Variants in SCN10A observed in about 807,000 individuals in gnomAD.
The protein encoded by SCN10A is sodium voltage-gated channel alpha subunit 10, also known as sodium channel protein type 10 subunit alpha.
SCN10A carries 162 observed loss-of-function variants against 170.7 expected under a neutral mutation model. That is an observed-to-expected ratio of 0.95 (90% CI 0.84 to 1.08). The LOEUF is 1.08. SCN10A is among the 50% of genes least tolerant of loss of function. The probability of loss-of-function intolerance (pLI) is 0.00; values close to 1 mark genes in which losing one functional copy is unlikely to be tolerated. For synonymous variants in SCN10A, 985 were observed against 904.6 expected (o/e 1.09, Z -1.59); for missense variants, 2,527 against 2,436.9 (o/e 1.04, Z -0.78).
chr3:38,797,278 A>T (rs1349847967), intron 1 of SCN10A, among the ~76,000 whole-genome samples: 11 of 152,120 alleles, frequency 7.2e-5, no homozygotes, highest in Admixed American at 7.2e-4. Flanking sequence ...TCTGGTACCC[A>T]ATACCCATAT....
In SCN10A at chr3:38,792,118, A is replaced by C; in HGVS notation, c.321T>G (p.Thr107=). The change falls in exon 3 of 28, where the codon ACT becomes ACG. Residue 107 remains threonine, a synonymous_variant. Transcript: ENST00000449082. ...AAGGACTGAATAGCCACAGGGCCCG[A>C]GTGGCACTAAACCGGGAAATGGTCC... The part of the protein sequence containing the change: ...KGRTISRFSA[T]RALWLFSPFN... The C allele has an allele frequency of 6.2e-7, 1 of 1,613,848 alleles. No individual in the cohort carries two copies. Among genetic ancestry groups the C allele is most frequent in the Non-Finnish European group, 8.5e-7 (1 of 1,179,786 alleles).
chr3:38,738,510 A>G (rs750404570), intron 15 of SCN10A, among the ~76,000 whole-genome samples: 3 of 152,088 alleles, frequency 2.0e-5, no homozygotes, highest in Non-Finnish European at 2.9e-5. Context: ...TGCCTCCTGA[A>G]CCATGCACCC....
chr3:38,796,765 G>A (rs1389250754), intron 1 of SCN10A, among the ~76,000 whole-genome samples: 1 of 152,018 alleles, frequency 6.6e-6, no homozygotes, highest in Non-Finnish European at 1.5e-5. Context: ...GTCTATGTTA[G>A]GATTCCTGTT....
intron 13 of SCN10A, among the ~76,000 whole-genome samples, chr3:38,743,857 A>G (rs1413546073): frequency 6.6e-6 from 1 of 152,040 alleles, no homozygotes; most frequent in Non-Finnish European, 1.5e-5. Context: ...TATGTGTCCA[A>G]TTTCTGATCC....
intron 23 of SCN10A, among the ~76,000 whole-genome samples, chr3:38,711,358 G>C (rs1465440674): frequency 6.6e-6 from 1 of 152,222 alleles, no homozygotes; most frequent in African/African-American, 2.4e-5. Flanking sequence ...GCATTCTTGA[G>C]GTCTAGAAAC....
chr3:38,753,663 G>T (rs1204025415), intron 11 of SCN10A, among the ~76,000 whole-genome samples: 9 of 152,084 alleles, frequency 5.9e-5, no homozygotes. Context: ...AAGCAAATGA[G>T]AAAAATTGAC....
intron 25 of SCN10A, 82 bp downstream of exon 25, chr3:38,709,395 CA>C: frequency 3.5e-6 from 5 of 1,426,842 alleles, no homozygotes; most frequent in Non-Finnish European, 4.7e-6. Flanking sequence ...TGGCTTTTGT[CA>C]GGAGGCCAGA....
At chr3:38,729,883 G>C (rs2126004338) in intron 15 of SCN10A, among the ~76,000 whole-genome samples, 1 of 152,264 alleles carries the variant, frequency 6.6e-6, no homozygotes, top group Admixed American at 6.5e-5. Flanking sequence ...ACGGGAGGAG[G>C]TTTAATCCTG....
In SCN10A at chr3:38,801,813, C is replaced by T. The variant is rs553248858; in HGVS notation, c.-32-7771G>A. ...AAGATTTTACCTGTGTAGGATTGTA[C>T]CTTCTCATACTTCCCGTGGTTGCTC... On this transcript the variant is annotated intron_variant, in intron 1 of 27. Coordinates refer to ENST00000449082, the MANE Select transcript of SCN10A (RefSeq NM_006514.4). Among the ~76,000 whole-genome samples the T allele has an allele frequency of 1.4e-4, 22 of 152,180 alleles. No individual in the cohort carries two copies. In the South Asian group the frequency reaches 4.1e-3, roughly 29 times the overall value.
intron 8 of SCN10A, among the ~76,000 whole-genome samples, chr3:38,759,396 G>A (rs780924547): frequency 5.3e-5 from 8 of 151,888 alleles, no homozygotes; most frequent in Non-Finnish European, 7.4e-5. Context: ...AAACTATCTC[G>A]TATTCACCCA....
intron 13 of SCN10A, among the ~76,000 whole-genome samples, chr3:38,748,437 C>T (rs547970431): frequency 6.6e-6 from 1 of 152,302 alleles, no homozygotes; most frequent in South Asian, 2.1e-4. Flanking sequence ...GCTTCAAGTC[C>T]TCACCATGGG....
chr3:38,775,233 A>G (rs1029934095), intron 4 of SCN10A, among the ~76,000 whole-genome samples: 1 of 152,190 alleles, frequency 6.6e-6, no homozygotes, highest in Non-Finnish European at 1.5e-5. Flanking sequence ...TACCCATTAA[A>G]TAATAACTCC....
In SCN10A at chr3:38,752,524, C is replaced by A; in HGVS notation, c.1462-12G>T. On this transcript the variant is annotated splice_polypyrimidine_tract_variant and intron_variant, in intron 11 of 27. Transcript: ENST00000449082. ...AGGCCTAGAAAAGACTGGGCATTGC[C>A]CCAAAGGAGCAAGAAGGCTGGAAAC... 1 of 1,538,044 alleles carries A rather than the reference C, an allele frequency of 6.5e-7. No individual in the cohort carries two copies. Among genetic ancestry groups the A allele is most frequent in the Admixed American group, 2.0e-5 (1 of 49,994 alleles).
At chr3:38,763,331 T>C (rs1263136886) in intron 6 of SCN10A, among the ~76,000 whole-genome samples, 174 bp downstream of exon 6, 1 of 152,182 alleles carries the variant, frequency 6.6e-6, no homozygotes, top group Non-Finnish European at 1.5e-5. Flanking sequence ...TCACACTGTC[T>C]CTTACTAGTG....
In SCN10A at chr3:38,793,895, T is replaced by C; in HGVS notation, c.116A>G (p.Glu39Gly). 1 of 1,614,120 alleles carries C rather than the reference T, an allele frequency of 6.2e-7. No homozygotes were observed. Among genetic ancestry groups the C allele is most frequent in the Non-Finnish European group, 8.5e-7 (1 of 1,179,962 alleles). Residue 39 changes from glutamate to glycine, a missense_variant, in exon 2 of 28, where the codon GAG becomes GGG. Coordinates refer to ENST00000449082, the MANE Select transcript of SCN10A (RefSeq NM_006514.4). ...TTGGTCCTTCTGCTCCCTATGCTTC[T>C]CTCTGGCTTTCTTTGTTCCCTGCTT... ...AAKQGTKKAR[E>G]KHREQKDQEE...
chr3:38,777,321 C>CA (rs1169210477), intron 4 of SCN10A, among the ~76,000 whole-genome samples: 1 of 151,914 alleles, frequency 6.6e-6, no homozygotes, highest in African/African-American at 2.4e-5. Flanking sequence ...TTGCTGGATG[C>CA]AAAATCACTA....
At chr3:38,720,574 A>G (rs2125995844) in intron 20 of SCN10A, among the ~76,000 whole-genome samples, 1 of 152,254 alleles carries the variant, frequency 6.6e-6, no homozygotes, top group Non-Finnish European at 1.5e-5. Flanking sequence ...AGCCTAAAGA[A>G]GGCTAAATTT....
chr3:38,802,536 T>A (rs1463891055), intron 1 of SCN10A, among the ~76,000 whole-genome samples: 1 of 152,098 alleles, frequency 6.6e-6, no homozygotes, highest in African/African-American at 2.4e-5. Flanking sequence ...ACTTTTTAAT[T>A]ACCCATTATT....
At chr3:38,703,946 A>G (rs2063183387) in intron 26 of SCN10A, among the ~76,000 whole-genome samples, 1 of 152,210 alleles carries the variant, frequency 6.6e-6, no homozygotes, top group Admixed American at 6.5e-5. Flanking sequence ...TTGTAAATGA[A>G]TGGAAGACAG....
Sources: allele counts gnomAD v4.1 joint callset (sites outside exome capture counted in the v4.1 genomes callset), GRCh38; gene constraint gnomAD v4.1.1; transcripts MANE v1.5; gene names NCBI Gene and HGNC (gene_info 2026-07-23, HGNC 2026-07-21).